The following SEC61A2 variants were observed in gnomAD, a reference collection of about 807,000 sequenced individuals.
The protein encoded by SEC61A2 is protein transport protein Sec61 subunit alpha isoform 2.
In SEC61A2, 28 loss-of-function variants were observed where a neutral mutation model predicts 59.9. The ratio of observed to expected loss-of-function variants is 0.47; its 90% confidence interval spans 0.35 to 0.64. SEC61A2 has a LOEUF of 0.64. Ranked by LOEUF, SEC61A2 falls within the 30% of genes least tolerant of loss-of-function variation. SEC61A2 has a pLI of 0.01. For synonymous variants in SEC61A2, 202 were observed against 214.4 expected (o/e 0.94, Z 0.50); for missense variants, 340 against 585.9 (o/e 0.58, Z 4.33).
chr10:12,164,316 G>A lies in SEC61A2; in HGVS notation c.1293G>A (p.Leu431=), dbSNP rs201565687. The change falls in exon 12 of 12, where the codon CTG becomes CTA. Residue 431 remains leucine (L), a synonymous_variant. Coordinates refer to ENST00000298428, the MANE Select transcript of SEC61A2 (RefSeq NM_018144.4). This position sits in a 1 kb window ranked among gnomAD's most constrained non-coding sequence, Gnocchi z 7.3. Reference sequence around the variant, plus strand: ...TTGGCGGTTTGTGCATTGGCGCCCTGTCAGTGCTGGCTGACTTCCTGGGGG... The same window carrying A: ...TTGGCGGTTTGTGCATTGGCGCCCTATCAGTGCTGGCTGACTTCCTGGGGG... The part of the protein sequence containing the change: ...AAFGGLCIGA[L]SVLADFLGAI... 1.3e-4 allele frequency: 212 copies of A among 1,613,978 alleles called. No homozygotes were observed. The African/African-American group carries it at 2.7e-3, about 20-fold the overall frequency.
At chr10:12,133,183 G>C in intron 1 of SEC61A2, 58 bp from the exon 2 acceptor site, 1 of 863,118 alleles carries the variant, frequency 1.2e-6, no homozygotes, top group Non-Finnish European at 1.8e-6. Context: ...TTTCTAGAAA[G>C]ACAGATCTTT....
chr10:12,144,209 C>A (rs565651933), intron 4 of SEC61A2, among the ~76,000 whole-genome samples: 1 of 152,098 alleles, frequency 6.6e-6, no homozygotes, highest in African/African-American at 2.4e-5. Flanking sequence ...AATGCACTAG[C>A]AATTTATATA....
At chr10:12,163,252 C>G (rs1834570030) in intron 11 of SEC61A2, among the ~76,000 whole-genome samples, 1 of 151,888 alleles carries the variant, frequency 6.6e-6, no homozygotes, top group African/African-American at 2.4e-5. Flanking sequence ...AAGCGATCCT[C>G]CCCGCCTCAA....
At chr10:12,139,069 C>G (rs910135518) in intron 3 of SEC61A2, among the ~76,000 whole-genome samples, 3 of 152,152 alleles carry the variant, frequency 2.0e-5, no homozygotes, top group African/African-American at 7.2e-5. Context: ...TCAAGCGATT[C>G]TCCTATCTCA....
At chr10:12,135,176 C>T (rs1833857592) in intron 2 of SEC61A2, among the ~76,000 whole-genome samples, 2 of 151,458 alleles carry the variant, frequency 1.3e-5, no homozygotes, top group African/African-American at 2.4e-5. Flanking sequence ...GGAGGGAGAG[C>T]ATTAGGACAA....
intron 9 of SEC61A2, among the ~76,000 whole-genome samples, chr10:12,159,617 G>C (rs537984754): frequency 6.6e-6 from 1 of 152,124 alleles, no homozygotes; most frequent in African/African-American, 2.4e-5. Context: ...TTGAGCCCAG[G>C]AGTTTGAAGG....
In SEC61A2 at chr10:12,140,280, G is replaced by A. The variant is rs1833988871; in HGVS notation, c.142-2837G>A. On this transcript the variant is annotated intron_variant, in intron 3 of 11. Coordinates refer to ENST00000298428, the MANE Select transcript of SEC61A2 (RefSeq NM_018144.4). Reference sequence around the variant, plus strand: ...CTTCAGGGTACAGAAACAACCACAGGCTAATGGCCACCTGCTTAGAGTGCC... The same window carrying A: ...CTTCAGGGTACAGAAACAACCACAGACTAATGGCCACCTGCTTAGAGTGCC... Among the ~76,000 whole-genome samples, 3 of 152,226 alleles carry A rather than the reference G, an allele frequency of 2.0e-5. No homozygotes were observed. The South Asian group carries it at 6.2e-4, about 32-fold the overall frequency.
chr10:12,134,761 CA>C (rs1833846291), intron 2 of SEC61A2, among the ~76,000 whole-genome samples: 1 of 151,486 alleles, frequency 6.6e-6, no homozygotes, highest in African/African-American at 2.4e-5. Flanking sequence ...ACTAAAAATA[CA>C]AAAAAATTAG....
Position 12,157,910 on chromosome 10 carries a change from A to G in SEC61A2, c.780A>G (p.Gly260=). 6.2e-7 allele frequency: 1 copy of G among 1,613,376 alleles called. No individual in the cohort carries two copies. Among genetic ancestry groups the G allele is most frequent in the South Asian group, 1.1e-5 (1 of 91,044 alleles). The change falls in exon 9 of 12, where the codon GGA becomes GGG. Residue 260 remains glycine, a splice_region_variant and synonymous_variant. Coordinates refer to ENST00000298428, the MANE Select transcript of SEC61A2 (RefSeq NM_018144.4). The stretch of plus-strand genomic sequence containing the variant: ...TTACTCTCCGTTTCCTTTTTTAGGG[A>G]TTTCGCGTTGATCTGCCCATTAAGT... ...FVFAVVIYFQ[G]FRVDLPIKSA... is the part of the protein sequence containing the mutation.
intron 3 of SEC61A2, among the ~76,000 whole-genome samples, chr10:12,138,210 A>C (rs1833931540): frequency 6.6e-6 from 1 of 152,178 alleles, no homozygotes; most frequent in African/African-American, 2.4e-5. Context: ...CTGATAATTA[A>C]AGTACTTTTA....
At chr10:12,148,319 C>G (rs1388686932) in intron 4 of SEC61A2, among the ~76,000 whole-genome samples, 1 of 148,526 alleles carries the variant, frequency 6.7e-6, no homozygotes, top group Non-Finnish European at 1.5e-5. Context: ...GATCTTGGCT[C>G]ACCGCAACCT....
downstream of SEC61A2, chr10:12,166,687 G>A: frequency 2.0e-6 from 1 of 500,840 alleles, no homozygotes; most frequent in Non-Finnish European, 4.1e-6. Flanking sequence ...ATCATCCTGA[G>A]AATTCCGTGG....
At chr10:12,137,257 C>T (rs571157672) in intron 3 of SEC61A2, among the ~76,000 whole-genome samples, 4 of 152,186 alleles carry the variant, frequency 2.6e-5, no homozygotes, top group African/African-American at 4.8e-5. Flanking sequence ...CAAATTTTTG[C>T]AATCTTGGGT....
rs1425092381 is a variant in SEC61A2, at chr10:12,160,432, AATT to A, written c.976-492_976-490del. On this transcript the variant is annotated intron_variant, in intron 9 of 11. Coordinates refer to ENST00000298428, the MANE Select transcript of SEC61A2 (RefSeq NM_018144.4). This position sits in a 1 kb window ranked among gnomAD's most constrained non-coding sequence, Gnocchi z 4.1. ...GATTTAAGTATATAGATAAAAATCC[AATT>A]ATTATATTTATTAAAAGATTGCTCC... Among the ~76,000 whole-genome samples, 2 of 152,216 alleles carry A rather than the reference AATT, an allele frequency of 1.3e-5. No homozygotes were observed. Among genetic ancestry groups the A allele is most frequent in the African/African-American group, 2.4e-5 (1 of 41,462 alleles).
In SEC61A2 at chr10:12,149,564, C is replaced by T. The variant is rs769082709; in HGVS notation, c.221-31C>T. 12 of 1,575,368 alleles carry T rather than the reference C, an allele frequency of 7.6e-6. No homozygotes were observed. In the East Asian group the frequency reaches 1.3e-4, roughly 18 times the overall value. On this transcript the variant is annotated intron_variant, in intron 4 of 11. Coordinates refer to ENST00000298428, the MANE Select transcript of SEC61A2 (RefSeq NM_018144.4). This position sits in a 1 kb window ranked among gnomAD's most constrained non-coding sequence, Gnocchi z 5.2. Reference sequence around the variant, plus strand: ...ATCAGTTTGTATCGTGTACAGCAAACATTGCACACTTCTCTCCCCTTCCTT... The same window carrying T: ...ATCAGTTTGTATCGTGTACAGCAAATATTGCACACTTCTCTCCCCTTCCTT...
chr10:12,132,656 A>ATTT (rs34211090), intron 1 of SEC61A2, among the ~76,000 whole-genome samples: 1 of 150,490 alleles, frequency 6.6e-6, no homozygotes, highest in Non-Finnish European at 1.5e-5. Context: ...TGATTCCATG[A>ATTT]TTTTTTTGTC....
Position 12,162,235 on chromosome 10 carries a change from A to G in SEC61A2, c.1190A>G (p.Gln397Arg), listed in dbSNP as rs768687489. 1.2e-6 allele frequency: 2 copies of G among 1,611,182 alleles called. No homozygotes were observed. The highest frequency in any genetic ancestry group is 1.7e-5 in the Admixed American group (1 of 59,772). The change falls in exon 11 of 12, where the codon CAG becomes CGG. Residue 397 changes from glutamine to arginine, a missense_variant. By Grantham distance (43) the Gln-to-Arg change is conservative (BLOSUM62 1). Transcript: ENST00000298428. The surrounding 1 kb of genome is among the most constrained non-coding windows in gnomAD (Gnocchi z 6.1). Reference protein sequence around the residue: ...AKDVAKQLKEQQMVMRGHRDT... With the variant: ...AKDVAKQLKERQMVMRGHRDT... Reference sequence around the variant, plus strand: ...CAGGTAGCTAAACAGCTGAAAGAACAGCAGATGGTAATGAGGGGCCACCGA... The same window carrying G: ...CAGGTAGCTAAACAGCTGAAAGAACGGCAGATGGTAATGAGGGGCCACCGA...
intron 2 of SEC61A2, among the ~76,000 whole-genome samples, chr10:12,135,063 A>G (rs1250514939): frequency 6.6e-6 from 1 of 152,032 alleles, no homozygotes; most frequent in Non-Finnish European, 1.5e-5. Context: ...TCGAAAACCA[A>G]ACACCACATG....
At chr10:12,134,080 C>T (rs1313951401) in intron 2 of SEC61A2, among the ~76,000 whole-genome samples, 1 of 152,248 alleles carries the variant, frequency 6.6e-6, no homozygotes, top group African/African-American at 2.4e-5. Context: ...CATCAAGGCT[C>T]ACTGCAAGCT....
Sources: allele counts gnomAD v4.1 joint callset (sites outside exome capture counted in the v4.1 genomes callset), GRCh38; gene constraint gnomAD v4.1.1; non-coding constraint Gnocchi (gnomAD v3.1); transcripts MANE v1.5; gene names NCBI Gene and HGNC (gene_info 2026-07-23, HGNC 2026-07-21).